CRTAP: variants seen among roughly 807,000 people sequenced by gnomAD.
CRTAP encodes the protein cartilage-associated protein.
In CRTAP, 33 loss-of-function variants were observed where a neutral mutation model predicts 42.7. The ratio of observed to expected loss-of-function variants is 0.77; its 90% CI spans 0.59 to 1.03. The LOEUF (loss-of-function observed/expected upper bound fraction) is 1.03. CRTAP is among the 50% of genes least tolerant of loss of function. CRTAP has a pLI of 0.00. For missense variants in CRTAP, 613 were observed against 533.9 expected, an observed-to-expected ratio of 1.15 and a Z score of -1.46; for synonymous variants, 243 against 217.7, an observed-to-expected ratio of 1.12 and a Z score of -1.02.
Position 33,132,384 on chromosome 3 carries a change from G to A in CRTAP, c.923-171G>A, listed in dbSNP as rs72857473. On this transcript the variant is annotated intron_variant, in intron 4 of 6. Transcript: ENST00000320954. ...TTTCAAGCCTGGCCTCCAGGCTGCC[G>A]TGGAGACCCCATCTGTGGCCTGCCC... Among the ~76,000 whole-genome samples the A allele has an allele frequency of 5.4e-3, 825 of 152,314 alleles. 4 individuals are homozygous for A. Among genetic ancestry groups the A allele is most frequent in the African/African-American group, 0.017 (715 of 41,570 alleles).
Position 33,130,525 on chromosome 3 carries a change from C to CTTTTTT in CRTAP, c.922+478_922+483dup, listed in dbSNP as rs765558103. The stretch of plus-strand genomic sequence containing the variant: ...CTTTTTTCTTTCTTTCTTTTCTTTT[C>CTTTTTT]TTTTTTTTTTTTTTTTTTTTTTTTT... On this transcript the variant is annotated intron_variant, in intron 4 of 6. Transcript: ENST00000320954. Among the ~76,000 whole-genome samples the CTTTTTT allele has an allele frequency of 2.9e-3, 158 of 55,290 alleles. 1 individual carries two copies. The highest frequency in any genetic ancestry group is 3.6e-3 in the Non-Finnish European group (117 of 32,426). The allele number at this position is 55,290 out of a possible 152,430, so 36.3% of individuals were successfully genotyped here. A position where few individuals can be genotyped will look rare whatever the true frequency, so the allele number is the denominator to read the frequency against.
chr3:33,146,133 T>C lies in CRTAP; in HGVS notation c.*3685T>C, dbSNP rs1462443561. 1 of 152,308 alleles carries C rather than the reference T, an allele frequency of 6.6e-6. No individual in the cohort carries two copies. The highest frequency in any genetic ancestry group is 1.9e-4 in the East Asian group (1 of 5,190). 9.4% of individuals were successfully genotyped at this position (152,308 alleles called of 1,614,324 possible). ...CAACCCAACACCTCCCTGAGTGTGC[T>C]TCTTGGAAGAGCCTAGAAGATTCCT... On this transcript the variant is annotated 3_prime_UTR_variant, in exon 7 of 7. Transcript: ENST00000320954.
At chr3:33,142,328 T>G (rs540267024) in intron 6 of CRTAP, 67 bp from the exon 7 acceptor site, 1 of 1,404,866 alleles carries the variant, frequency 7.1e-7, no homozygotes, top group Non-Finnish European at 1.0e-6. Flanking sequence ...GGATACTGTT[T>G]CTGCTCATCA....
intron 6 of CRTAP, among the ~76,000 whole-genome samples, chr3:33,142,082 G>T (rs193223300): frequency 6.6e-6 from 1 of 152,300 alleles, no homozygotes; most frequent in Admixed American, 6.5e-5. Context: ...ACACATGAGA[G>T]GGGAGGAAGG....
chr3:33,141,239 C>G (rs945469469), intron 6 of CRTAP, among the ~76,000 whole-genome samples: 5 of 152,102 alleles, frequency 3.3e-5, no homozygotes, highest in African/African-American at 7.2e-5. Flanking sequence ...ACCATCATCC[C>G]GCAAGTCACA....
intron 1 of CRTAP, 26 bp downstream of exon 1, chr3:33,114,574 GC>G: frequency 6.4e-7 from 1 of 1,551,016 alleles, no homozygotes. Context: ...CCCGTCCCAG[GC>G]CCCGGCCCCG....
chr3:33,132,970 TG>T (rs1220363415), intron 5 of CRTAP, among the ~76,000 whole-genome samples: 2 of 140,372 alleles, frequency 1.4e-5, no homozygotes, highest in African/African-American at 5.5e-5. Flanking sequence ...CCCAGCTACT[TG>T]GGAGGCTGAG....
intron 6 of CRTAP, among the ~76,000 whole-genome samples, chr3:33,135,706 T>A (rs78836451): frequency 0.044 from 6,618 of 152,044 alleles, 375 homozygotes; most frequent in African/African-American, 0.13. Context: ...GATATTTTGG[T>A]ATATATCTTT....
At chr3:33,120,998 G>A (rs13089493) in intron 2 of CRTAP, among the ~76,000 whole-genome samples, 11,670 of 152,168 alleles carry the variant, frequency 0.077, 668 homozygotes, top group Non-Finnish European at 0.12. Context: ...AGAATTAGTC[G>A]TAAGAACAAC....
At chr3:33,120,264 G>A in intron 1 of CRTAP, 80 bp from the exon 2 acceptor site, 3 of 1,258,882 alleles carry the variant, frequency 2.4e-6, no homozygotes, top group Non-Finnish European at 3.5e-6. Flanking sequence ...AGTTTCTGAA[G>A]GACTAAGCAG....
rs147140948 is a variant in CRTAP, at chr3:33,130,011, C to A, written c.866C>A (p.Pro289Gln). ...CTCACCCCAGTTATAGGAGGCTATC[C>A]GGTTGAGAAATTTGTGGCTACCATG... ...ENLTPVIGGY[P>Q]VEKFVATMYH... The change falls in exon 4 of 7, where the codon CCG (proline) becomes CAG (glutamine). Residue 289 changes from proline to glutamine, a missense_variant. Physicochemically the swap from Pro to Gln is moderately conservative, Grantham distance 76 (BLOSUM62 -1). Transcript: ENST00000320954. 6.2e-7 allele frequency: 1 copy of A among 1,613,364 alleles called. No individual in the cohort carries two copies. Among genetic ancestry groups the A allele is most frequent in the South Asian group, 1.1e-5 (1 of 91,080 alleles).
At chr3:33,137,139 T>C (rs2030443647) in intron 6 of CRTAP, among the ~76,000 whole-genome samples, 1 of 152,122 alleles carries the variant, frequency 6.6e-6, no homozygotes, top group African/African-American at 2.4e-5. Context: ...CCACTTTCTG[T>C]TGTTTTTCTT....
chr3:33,114,655 A>G (rs1701323702), intron 1 of CRTAP, 107 bp downstream of exon 1: 1 of 1,057,304 alleles, frequency 9.5e-7, no homozygotes, highest in Non-Finnish European at 1.4e-6. Context: ...CCAGTTCTAG[A>G]CCTGGCTCCC....
At chr3:33,114,580 G>T (rs1701322490) in intron 1 of CRTAP, 32 bp downstream of exon 1, 1 of 1,547,386 alleles carries the variant, frequency 6.5e-7, no homozygotes, top group Non-Finnish European at 8.7e-7. Context: ...CCAGGCCCCG[G>T]CCCCGCCCCT....
intron 3 of CRTAP, 37 bp downstream of exon 3, chr3:33,124,616 AAT>A (rs762171761): frequency 6.2e-7 from 1 of 1,611,982 alleles, no homozygotes; most frequent in Non-Finnish European, 8.5e-7. Flanking sequence ...ACTCCCATGG[AAT>A]AGTCTTCCTT....
chr3:33,128,044 AG>A (rs2125601890), intron 3 of CRTAP, among the ~76,000 whole-genome samples: 1 of 152,240 alleles, frequency 6.6e-6, no homozygotes, highest in African/African-American at 2.4e-5. Context: ...CACCGCACCC[AG>A]CTCTGTATAA....
At chr3:33,124,283 C>A in intron 2 of CRTAP, 125 bp from the exon 3 acceptor site, 1 of 1,029,824 alleles carries the variant, frequency 9.7e-7, no homozygotes, top group Non-Finnish European at 1.5e-6. Flanking sequence ...TCTTCAAGGG[C>A]CAGTGTGGCT....
rs2030714336 is a variant in CRTAP at position 33,146,169 on chromosome 3, C to T, written c.*3721C>T. The T allele has an allele frequency of 6.6e-6, 1 of 152,200 alleles. No homozygotes were observed. Among genetic ancestry groups the T allele is most frequent in the African/African-American group, 2.4e-5 (1 of 41,428 alleles). 9.4% of individuals were successfully genotyped at this position (152,200 alleles called of 1,614,324 possible). On this transcript the variant is annotated 3_prime_UTR_variant, in exon 7 of 7. Coordinates refer to ENST00000320954, the MANE Select transcript of CRTAP (RefSeq NM_006371.5). The stretch of plus-strand genomic sequence containing the variant: ...GCCTAGAAGATTCCTGGATGGAGAC[C>T]CCATTGGTTCAGCCTCAAGTCTGGC...
At chr3:33,126,769 T>C (rs1438571195) in intron 3 of CRTAP, among the ~76,000 whole-genome samples, 1 of 152,196 alleles carries the variant, frequency 6.6e-6, no homozygotes, top group Non-Finnish European at 1.5e-5. Context: ...TTATACATTT[T>C]AGGGAGACAT....
Sources: gnomAD v4.1 joint callset for allele counts (sites outside exome capture counted in the v4.1 genomes callset) on GRCh38, gnomAD v4.1.1 for gene constraint, MANE v1.5 for transcripts, NCBI Gene and HGNC (gene_info 2026-07-23, HGNC 2026-07-21) for gene names.